SPHKAP: variants seen among roughly 807,000 people sequenced by gnomAD.
SPHKAP encodes the protein A-kinase anchor protein SPHKAP.
In SPHKAP, 67 loss-of-function variants were observed where a neutral mutation model predicts 137.5. That is an observed-to-expected ratio of 0.49 (90% confidence interval 0.40 to 0.60). The LOEUF is 0.60. Among genes scored for constraint, SPHKAP ranks in the 20% least tolerant of loss-of-function variants. The probability of loss-of-function intolerance (pLI) is 0.00; values close to 1 mark genes in which losing one functional copy is unlikely to be tolerated. For missense variants in SPHKAP, 2,097 were observed against 2,069.3 expected, an observed-to-expected ratio of 1.01 and a Z score of -0.26; for synonymous variants, 813 against 785.3, an observed-to-expected ratio of 1.04 and a Z score of -0.59.
chr2:228,027,812 A>G (rs969132830), intron 3 of SPHKAP, among the ~76,000 whole-genome samples: 1 of 151,994 alleles, frequency 6.6e-6, no homozygotes, highest in East Asian at 1.9e-4. Context: ...CTAAAAATAC[A>G]AAAATTAGCT....
intron 1 of SPHKAP, among the ~76,000 whole-genome samples, chr2:228,153,810 T>G (rs574132038): frequency 7.9e-5 from 12 of 152,320 alleles, no homozygotes; most frequent in Admixed American, 3.9e-4. Flanking sequence ...TCACAGGCAT[T>G]TAACATTTAT....
intron 1 of SPHKAP, among the ~76,000 whole-genome samples, chr2:228,158,927 C>T (rs1012984539): frequency 2.6e-5 from 4 of 152,206 alleles, no homozygotes; most frequent in Admixed American, 6.5e-5. Context: ...TCCAATTTTG[C>T]TCTCCGAATA....
At chr2:228,151,372 T>A (rs1699924056) in intron 1 of SPHKAP, among the ~76,000 whole-genome samples, 1 of 151,658 alleles carries the variant, frequency 6.6e-6, no homozygotes, top group South Asian at 2.1e-4. Context: ...TTTGCTATTG[T>A]GAATAGTGCC....
At chr2:228,012,643 A>G (rs1694433290) in intron 7 of SPHKAP, among the ~76,000 whole-genome samples, 1 of 152,228 alleles carries the variant, frequency 6.6e-6, no homozygotes, top group African/African-American at 2.4e-5. Context: ...GTAGATATCA[A>G]GTCTTTCTAT....
At chr2:228,111,788 T>C (rs1698525969) in intron 2 of SPHKAP, among the ~76,000 whole-genome samples, 1 of 152,166 alleles carries the variant, frequency 6.6e-6, no homozygotes, top group South Asian at 2.1e-4. Context: ...CCCCAAATTG[T>C]TCAGAGCCTG....
intron 7 of SPHKAP, among the ~76,000 whole-genome samples, chr2:228,011,066 T>C (rs1432396769): frequency 6.6e-6 from 1 of 152,208 alleles, no homozygotes; most frequent in Non-Finnish European, 1.5e-5. Context: ...CACAGGGTTG[T>C]TAACCTGAGA....
chr2:228,174,825 G>T (rs1378828736), intron 1 of SPHKAP, among the ~76,000 whole-genome samples: 1 of 152,102 alleles, frequency 6.6e-6, no homozygotes, highest in Non-Finnish European at 1.5e-5. Flanking sequence ...TGGCATGCAA[G>T]CTCGCATGAT....
intron 3 of SPHKAP, among the ~76,000 whole-genome samples, chr2:228,038,910 C>G (rs981190086): frequency 3.9e-5 from 6 of 152,198 alleles, no homozygotes; most frequent in Admixed American, 6.5e-5. Flanking sequence ...GGAATACGTA[C>G]AGAAGCTACA....
At chr2:228,159,351 A>C (rs1360756868) in intron 1 of SPHKAP, among the ~76,000 whole-genome samples, 1 of 152,154 alleles carries the variant, frequency 6.6e-6, no homozygotes, top group Non-Finnish European at 1.5e-5. Context: ...ACCGTAGGCC[A>C]TCTGTGTTTG....
At chr2:228,114,067 A>G (rs1349765289) in intron 2 of SPHKAP, among the ~76,000 whole-genome samples, 1 of 152,138 alleles carries the variant, frequency 6.6e-6, no homozygotes, top group Non-Finnish European at 1.5e-5. Context: ...CTGCTGAGAG[A>G]GTTGCTTTCT....
At chr2:228,061,736 TACAC>T (rs1553536205) in intron 3 of SPHKAP, among the ~76,000 whole-genome samples, 1 of 151,490 alleles carries the variant, frequency 6.6e-6, no homozygotes, top group African/African-American at 2.4e-5. Context: ...AATATATATA[TACAC>T]ACACACACAC....
chr2:228,005,839 G>T (rs567695549), intron 7 of SPHKAP, among the ~76,000 whole-genome samples: 1 of 152,126 alleles, frequency 6.6e-6, no homozygotes, highest in East Asian at 1.9e-4. Flanking sequence ...GAAATTCTGG[G>T]TTGAAAATTC....
At position 228,017,175 on chromosome 2, in the gene SPHKAP, A is replaced by G; in HGVS notation, c.3679T>C (p.Ser1227Pro). The G allele has an allele frequency of 1.9e-6, 3 of 1,613,720 alleles. No individual in the cohort carries two copies. The highest frequency in any genetic ancestry group is 2.5e-6 in the Non-Finnish European group (3 of 1,179,798). Residue 1227 changes from serine (S) to proline (P), a missense_variant, in exon 7 of 12, where the codon TCT becomes CCT. By Grantham distance (74) the Ser-to-Pro change is moderately conservative (BLOSUM62 -1). Transcript: ENST00000392056. ...CTGTGGCACACTGGGGATCGCAGAG[A>G]AGGAGACAGCAGGCCGGCTGTCCAA... ...QDWTAGLLSP[S>P]LRSPVCHRQS...
chr2:228,036,276 GA>G (rs35910619), intron 3 of SPHKAP, among the ~76,000 whole-genome samples: 5 of 152,198 alleles, frequency 3.3e-5, no homozygotes, highest in African/African-American at 4.8e-5. Context: ...AAAAACACAT[GA>G]AAAAATGCTC....
intron 3 of SPHKAP, among the ~76,000 whole-genome samples, chr2:228,100,926 C>A (rs1698166712): frequency 6.6e-6 from 1 of 152,056 alleles, no homozygotes; most frequent in Non-Finnish European, 1.5e-5. Flanking sequence ...GATTTTGGCA[C>A]CAGCTCTTCA....
At chr2:228,088,561 T>C (rs1442988688) in intron 3 of SPHKAP, among the ~76,000 whole-genome samples, 1 of 152,040 alleles carries the variant, frequency 6.6e-6, no homozygotes, top group Non-Finnish European at 1.5e-5. Flanking sequence ...TACTAAGCAA[T>C]ATAGTTTGGA....
intron 1 of SPHKAP, among the ~76,000 whole-genome samples, chr2:228,154,510 C>CTATATATATATATATATATATATATA (rs1255951798): frequency 2.7e-5 from 1 of 37,518 alleles, no homozygotes; most frequent in Non-Finnish European, 4.5e-5. Flanking sequence ...CTCTCTCTCT[C>CTATATATATATATATATATATATATA]TCTATATATA....
In SPHKAP at chr2:228,016,514, A is replaced by AG; in HGVS notation, c.4339dup (p.Leu1447ProfsTer16). 1 of 1,614,062 alleles carries AG rather than the reference A, an allele frequency of 6.2e-7. No homozygotes were observed. The highest frequency in any genetic ancestry group is 8.5e-7 in the Non-Finnish European group (1 of 1,180,012). ...TTCCTCTAGGAGGCTGCTTTTGGAA[A>AG]GGAAGGGTTCAGGTTCCCCAGCACA... On this transcript the variant is annotated frameshift_variant, in exon 7 of 12. Coordinates refer to ENST00000392056, the MANE Select transcript of SPHKAP (RefSeq NM_001142644.2). LOFTEE classifies it high-confidence loss of function.
At chr2:228,140,417 T>C (rs1401042208) in intron 1 of SPHKAP, among the ~76,000 whole-genome samples, 1 of 152,142 alleles carries the variant, frequency 6.6e-6, no homozygotes, top group Non-Finnish European at 1.5e-5. Flanking sequence ...ATCAAACCAC[T>C]TGGGCAGGTG....
Sources: allele counts gnomAD v4.1 joint callset (sites outside exome capture counted in the v4.1 genomes callset), GRCh38; gene constraint gnomAD v4.1.1; transcripts MANE v1.5; gene names NCBI Gene and HGNC (gene_info 2026-07-23, HGNC 2026-07-21).